PHF24: variants seen among roughly 807,000 people sequenced by gnomAD.
PHF24 encodes the protein PHD finger protein 24, also known as Galpha inhibitory interacting protein.
PHF24 carries 25 observed loss-of-function variants against 42.6 expected under a neutral mutation model. The observed-to-expected ratio is 0.59, with a 90% CI of 0.43 to 0.82. The LOEUF (loss-of-function observed/expected upper bound fraction) is 0.82, where lower values mean the gene tolerates loss of function less well. Ranked by LOEUF, PHF24 falls within the 40% of genes least tolerant of loss-of-function variation. The pLI is 0.00. For missense variants in PHF24, 470 were observed against 538.1 expected, an observed-to-expected ratio of 0.87 and a Z score of 1.25; for synonymous variants, 185 against 204.8, an observed-to-expected ratio of 0.90 and a Z score of 0.83.
At chr9:34,881,942 A>G in the PHF24 span, among the ~76,000 whole-genome samples, 1 of 152,248 alleles carries the variant, frequency 6.6e-6, no homozygotes, top group South Asian at 2.1e-4. Context: ...TCCCTGATGA[A>G]TATTGATGCA....
chr9:34,812,915 G>T, the PHF24 span, among the ~76,000 whole-genome samples: 1 of 152,162 alleles, frequency 6.6e-6, no homozygotes, highest in Non-Finnish European at 1.5e-5. Context: ...ATTTTCAGAA[G>T]TTTCTTTTGC....
the PHF24 span, among the ~76,000 whole-genome samples, chr9:34,952,198 A>G: frequency 6.6e-6 from 1 of 152,262 alleles, no homozygotes; most frequent in Non-Finnish European, 1.5e-5. Context: ...AAAAGCTCCT[A>G]GAACTAATAT....
At chr9:34,927,954 G>C in the PHF24 span, among the ~76,000 whole-genome samples, 1 of 152,112 alleles carries the variant, frequency 6.6e-6, no homozygotes, top group Non-Finnish European at 1.5e-5. Flanking sequence ...TGGGAGCTGG[G>C]GGGAGGTGGG....
chr9:34,837,430 G>C, the PHF24 span: 1,082 of 489,340 alleles, frequency 2.2e-3, 10 homozygotes, highest in East Asian at 0.025. Context: ...ACACAGCTAA[G>C]GACATCTGCA....
the PHF24 span, among the ~76,000 whole-genome samples, chr9:34,822,923 G>C: frequency 1.3e-5 from 2 of 152,044 alleles, no homozygotes; most frequent in Non-Finnish European, 2.9e-5. Flanking sequence ...CCGGCCGGGC[G>C]CGGTGGCTCA....
chr9:34,835,408 A>G, the PHF24 span: 5 of 1,551,046 alleles, frequency 3.2e-6, no homozygotes, highest in African/African-American at 2.7e-5. Flanking sequence ...ATTTTTTAAC[A>G]TGTACCTCAA....
At chr9:34,758,238 G>A in the PHF24 span, among the ~76,000 whole-genome samples, 1 of 152,270 alleles carries the variant, frequency 6.6e-6, no homozygotes, top group East Asian at 1.9e-4. The surrounding 1 kb of genome is among the most constrained non-coding windows in gnomAD (Gnocchi z 4.4). Context: ...TGGAGCCTTG[G>A]GCAGGAACAG....
chr9:34,971,643 A>G (rs1826992466), exon 2 of PHF24: 1 of 1,612,154 alleles, frequency 6.2e-7, no homozygotes, highest in Non-Finnish European at 8.5e-7. Flanking sequence ...ATGATGACAA[A>G]CCTCCAGAAA....
At chr9:34,669,508 G>A in the PHF24 span, among the ~76,000 whole-genome samples, 1 of 151,594 alleles carries the variant, frequency 6.6e-6, no homozygotes, top group Non-Finnish European at 1.5e-5. Flanking sequence ...TGGGTGTGCA[G>A]GAGTCCTTCT....
chr9:34,728,240 C>G, the PHF24 span, among the ~76,000 whole-genome samples: 1 of 152,198 alleles, frequency 6.6e-6, no homozygotes, highest in African/African-American at 2.4e-5. Flanking sequence ...CGCTGTAACA[C>G]AATGTCCCAT....
the PHF24 span, among the ~76,000 whole-genome samples, chr9:34,809,032 TATAATAAAAAAAAAAA>T: frequency 5.2e-5 from 6 of 114,894 alleles, no homozygotes; most frequent in Non-Finnish European, 1.0e-4. The surrounding 1 kb of genome is among the most constrained non-coding windows in gnomAD (Gnocchi z 4.1). Context: ...AAACTTAAAG[TATAATAAAAAAAAAAA>T]ATAATAAATA....
At chr9:34,686,514 G>A in the PHF24 span, among the ~76,000 whole-genome samples, 1 of 152,214 alleles carries the variant, frequency 6.6e-6, no homozygotes, top group African/African-American at 2.4e-5. Context: ...CCCTGGCAGA[G>A]CAATGTTAGC....
chr9:34,952,424 A>C, the PHF24 span, among the ~76,000 whole-genome samples: 2 of 152,230 alleles, frequency 1.3e-5, no homozygotes, highest in South Asian at 4.1e-4. Context: ...AAGAGTCAAC[A>C]TTAAGATGAC....
the PHF24 span, chr9:34,725,678 G>A: frequency 6.6e-7 from 1 of 1,518,394 alleles, no homozygotes; most frequent in East Asian, 2.5e-5. Flanking sequence ...CCACTCCAAG[G>A]CTTCATACTC....
chr9:34,691,231 G>A, the PHF24 span: 1 of 1,119,172 alleles, frequency 8.9e-7, no homozygotes, highest in South Asian at 1.4e-5. Flanking sequence ...GGGCGACTGG[G>A]ATGCAGGGGT....
At chr9:34,925,043 T>C in the PHF24 span, among the ~76,000 whole-genome samples, 716 of 152,344 alleles carry the variant, frequency 4.7e-3, 7 homozygotes, top group East Asian at 0.025. Flanking sequence ...TAAGGCCTAG[T>C]GGTAATGAAT....
the PHF24 span, chr9:34,728,078 C>A: frequency 6.4e-7 from 1 of 1,551,910 alleles, no homozygotes; most frequent in Non-Finnish European, 8.7e-7. Context: ...GGGAACGTCT[C>A]CTAGCTGAGG....
At chr9:34,725,789 G>A in the PHF24 span, 1 of 1,548,572 alleles carries the variant, frequency 6.5e-7, no homozygotes, top group East Asian at 2.4e-5. Flanking sequence ...TGACTGGGGT[G>A]AAGTTTTAGG....
the PHF24 span, chr9:34,728,616 T>C: frequency 1.3e-6 from 2 of 1,550,720 alleles, no homozygotes; most frequent in East Asian, 2.4e-5. Flanking sequence ...TACCTGTTGA[T>C]GCTGCATCTC....
Sources: allele counts gnomAD v4.1 joint callset (sites outside exome capture counted in the v4.1 genomes callset), GRCh38; gene constraint gnomAD v4.1.1; non-coding constraint Gnocchi (gnomAD v3.1); transcripts MANE v1.5; gene names NCBI Gene and HGNC (gene_info 2026-07-23, HGNC 2026-07-21).